DYRK3: variants seen among roughly 807,000 people sequenced by gnomAD.
DYRK3 encodes dual specificity tyrosine-phosphorylation-regulated kinase 3.
A neutral mutation model predicts 40.8 loss-of-function variants in DYRK3; 30 were observed. The observed-to-expected ratio is 0.74, with a 90% CI of 0.55 to 1.00. The LOEUF is 1.00. Ranked by LOEUF, DYRK3 falls within the 50% of genes least tolerant of loss-of-function variation. The pLI, the probability that DYRK3 is intolerant of heterozygous loss-of-function variation, is 0.00. For synonymous variants in DYRK3, 272 were observed against 260.7 expected (o/e 1.04, Z -0.42); for missense variants, 699 against 731.5 (o/e 0.96, Z 0.51).
chr1:206,647,159 A>C (rs1553420221), intron 2 of DYRK3, among the ~76,000 whole-genome samples: 1 of 152,128 alleles, frequency 6.6e-6, no homozygotes, highest in East Asian at 1.9e-4. Context: ...TGTCTTGAAC[A>C]AAGCAAGGCA....
Position 206,635,776 on chromosome 1 carries a change from C to A in DYRK3, c.73C>A (p.Arg25=). The A allele has an allele frequency of 2.4e-6, 3 of 1,243,812 alleles. No homozygotes were observed. Among genetic ancestry groups the A allele is most frequent in the Non-Finnish European group, 3.0e-6 (3 of 989,486 alleles). 77.0% of individuals were successfully genotyped at this position (1,243,812 alleles called of 1,614,324 possible). The stretch of plus-strand genomic sequence containing the variant: ...TGGGGCCGGGCTCCCGCCCCAGCAG[C>A]GGAGGTAACGGCGCCACGGGGTAAC... The part of the protein sequence containing the change: ...PPGAGLPPQQ[R]RLGDGVYDTF... Residue 25 remains arginine (R), a synonymous_variant, in exon 1 of 3, where the codon CGG becomes AGG. Coordinates refer to ENST00000367109, the MANE Select transcript of DYRK3 (RefSeq NM_003582.4).
intron 2 of DYRK3, among the ~76,000 whole-genome samples, chr1:206,639,171 AC>A (rs1671205469): frequency 6.6e-6 from 1 of 151,920 alleles, no homozygotes; most frequent in Non-Finnish European, 1.5e-5. Context: ...GAGCCACCGC[AC>A]CCGGCCCTTT....
At chr1:206,644,815 C>T (rs1671403753) in intron 2 of DYRK3, among the ~76,000 whole-genome samples, 1 of 152,244 alleles carries the variant, frequency 6.6e-6, no homozygotes, top group African/African-American at 2.4e-5. Flanking sequence ...GCTGGGATTA[C>T]AGGTGTGAGC....
chr1:206,649,086 A>C lies in DYRK3; in HGVS notation c.*121A>C. 1 of 1,052,644 alleles carries C rather than the reference A, an allele frequency of 9.5e-7. No homozygotes were observed. Among genetic ancestry groups the C allele is most frequent in the Non-Finnish European group, 1.3e-6 (1 of 747,824 alleles). The allele number at this position is 1,052,644 out of a possible 1,614,324, so 65.2% of individuals were successfully genotyped here. ...TGTTAGAGTAGACTTTTTTTAAACA[A>C]GACAAAACATTTTTATATGATTATA... On this transcript the variant is annotated 3_prime_UTR_variant, in exon 3 of 3. Transcript: ENST00000367109.
chr1:206,650,564 G>A lies in DYRK3; in HGVS notation c.*1599G>A, dbSNP rs994288893. Among the ~76,000 whole-genome samples the A allele has an allele frequency of 3.9e-5, 6 of 152,116 alleles. No homozygotes were observed. Among genetic ancestry groups the A allele is most frequent in the African/African-American group, 1.2e-4 (5 of 41,424 alleles). ...CTAAAAAACAAACCAAAAAAAGTGT[G>A]TTCTTTAAAGTAGAATATTTGCTTT... On this transcript the variant is annotated 3_prime_UTR_variant, in exon 3 of 3. Transcript: ENST00000367109.
Position 206,649,175 on chromosome 1 carries a change from A to T in DYRK3, c.*210A>T. 1 of 523,204 alleles carries T rather than the reference A, an allele frequency of 1.9e-6. No homozygotes were observed. The highest frequency in any genetic ancestry group is 3.3e-6 in the Non-Finnish European group (1 of 298,912). The allele number at this position is 523,204 out of a possible 1,614,324, so 32.4% of individuals were successfully genotyped here. On this transcript the variant is annotated 3_prime_UTR_variant, in exon 3 of 3. Transcript: ENST00000367109. Reference sequence around the variant, plus strand: ...ATTGGCCATCTGGAATATGCATTAAATGACTTTTTATAGGTCAATGCATCT... The same window carrying T: ...ATTGGCCATCTGGAATATGCATTAATTGACTTTTTATAGGTCAATGCATCT...
Position 206,648,138 on chromosome 1 carries a change from A to C in DYRK3, c.940A>C (p.Lys314Gln). ...FQGFSVQLVR[K>Q]FAQSILQSLD... ...GGGTTTTAGCGTCCAGTTGGTACGC[A>C]AGTTTGCCCAGTCCATCTTGCAATC... The change falls in exon 3 of 3, where the codon AAG becomes CAG. Residue 314 changes from lysine (K) to glutamine (Q), a missense_variant. Physicochemically the swap from Lys to Gln is moderately conservative, Grantham distance 53. Transcript: ENST00000367109. 6.2e-7 allele frequency: 1 copy of C among 1,614,172 alleles called. No homozygotes were observed. Among genetic ancestry groups the C allele is most frequent in the Non-Finnish European group, 8.5e-7 (1 of 1,180,032 alleles).
chr1:206,647,403 T>C lies in DYRK3; in HGVS notation c.205T>C (p.Phe69Leu). 1 of 1,611,182 alleles carries C rather than the reference T, an allele frequency of 6.2e-7. No homozygotes were observed. The highest frequency in any genetic ancestry group is 8.5e-7 in the Non-Finnish European group (1 of 1,178,420). Residue 69 changes from phenylalanine to leucine, a missense_variant, in exon 3 of 3, where the codon TTT (phenylalanine) becomes CTT (leucine). Transcript: ENST00000367109. ...PRRLNMTTEQ[F>L]TGDHTQHFLD... is the part of the protein sequence containing the mutation. ...TCTTTCATAGATGACCACTGAGCAG[T>C]TTACAGGAGATCATACTCAGCACTT...
intron 1 of DYRK3, chr1:206,637,047 G>A (rs1328340386): frequency 1.2e-5 from 13 of 1,100,972 alleles, no homozygotes; most frequent in Non-Finnish European, 1.8e-5. Context: ...CTGCAGGTTA[G>A]GTAGATGTAA....
Position 206,644,755 on chromosome 1 carries a change from G to A in DYRK3, c.190-2633G>A, listed in dbSNP as rs188899355. 3.9e-5 allele frequency among the ~76,000 whole-genome samples: 6 copies of A among 152,232 alleles called. No homozygotes were observed. In the East Asian group the frequency reaches 7.7e-4, roughly 20 times the overall value. ...GGGTTTTGCCATGTTGGCCATGCTG[G>A]TCTCGAACTCCTGACCTCAGGTGAT... On this transcript the variant is annotated intron_variant, in intron 2 of 2. Coordinates refer to ENST00000367109, the MANE Select transcript of DYRK3 (RefSeq NM_003582.4).
chr1:206,644,096 G>A, intron 2 of DYRK3, among the ~76,000 whole-genome samples: 1 of 137,554 alleles, frequency 7.3e-6, no homozygotes, highest in South Asian at 2.3e-4. Flanking sequence ...GTGCAGTGAT[G>A]CAATCTTGGC....
rs202021957 is a variant in DYRK3, at chr1:206,648,622, G to A, written c.1424G>A (p.Arg475Gln). ...GGTCGCTCACGTAGGGGTAAAAAGC[G>A]GGGTCCCCCAGGCAGCAAAGACTGG... is the stretch of plus-strand genomic sequence containing the variant. ...VGGRSRRGKKRGPPGSKDWGT... is the reference protein window; with the variant it reads ...VGGRSRRGKKQGPPGSKDWGT... Residue 475 changes from arginine (R) to glutamine (Q), a missense_variant, in exon 3 of 3, where the codon CGG becomes CAG. Transcript: ENST00000367109. The A allele has an allele frequency of 6.8e-6, 11 of 1,613,542 alleles. No individual in the cohort carries two copies. In the East Asian group the frequency reaches 1.1e-4, roughly 16 times the overall value.
In DYRK3 at chr1:206,639,479, T is replaced by TG. The variant is rs542566352; in HGVS notation, c.189+1718_189+1719insG. 1.6e-4 allele frequency among the ~76,000 whole-genome samples: 24 copies of TG among 150,132 alleles called. 2 individuals are homozygous for TG. The East Asian group carries it at 4.7e-3, about 29-fold the overall frequency. Reference sequence around the variant, plus strand: ...CATTTTAACTGATTTTTTTTTTTTTTTTTTTTGAGATGGACTCTCACTCTG... The same window carrying TG: ...CATTTTAACTGATTTTTTTTTTTTTTGTTTTTTGAGATGGACTCTCACTCTG... On this transcript the variant is annotated intron_variant, in intron 2 of 2. Transcript: ENST00000367109.
rs1671702491 is a variant in DYRK3, at chr1:206,654,444, C to A, written c.*5479C>A. 1.3e-5 allele frequency among the ~76,000 whole-genome samples: 2 copies of A among 152,186 alleles called. No homozygotes were observed. The highest frequency in any genetic ancestry group is 2.9e-5 in the Non-Finnish European group (2 of 68,036). On this transcript the variant is annotated 3_prime_UTR_variant, in exon 3 of 3. Coordinates refer to ENST00000367109, the MANE Select transcript of DYRK3 (RefSeq NM_003582.4). The stretch of plus-strand genomic sequence containing the variant: ...GTACAAATAAGGAGTAAGAAAAGGC[C>A]AGGGATTGGCAAATCAAAGAAGAGT...
chr1:206,643,637 T>C (rs527752615), intron 2 of DYRK3, among the ~76,000 whole-genome samples: 5 of 152,116 alleles, frequency 3.3e-5, no homozygotes, highest in Non-Finnish European at 5.9e-5. Context: ...CACAGTACAT[T>C]GTATAGTGAG....
intron 2 of DYRK3, among the ~76,000 whole-genome samples, chr1:206,643,500 G>T (rs1423402864): frequency 1.3e-5 from 2 of 152,144 alleles, no homozygotes; most frequent in African/African-American, 4.8e-5. Flanking sequence ...AATTCCCAGG[G>T]ACAGACGCTG....
intron 1 of DYRK3, among the ~76,000 whole-genome samples, chr1:206,637,375 A>T (rs1040327248): frequency 2.6e-5 from 4 of 152,178 alleles, no homozygotes; most frequent in African/African-American, 9.6e-5. Context: ...TTATTATGAG[A>T]TCCTTCTGAT....
In DYRK3 at chr1:206,647,555, A is replaced by T. The variant is rs1553420328; in HGVS notation, c.357A>T (p.Lys119Asn). 4.3e-6 allele frequency: 7 copies of T among 1,614,176 alleles called. No individual in the cohort carries two copies. The highest frequency in any genetic ancestry group is 5.9e-6 in the Non-Finnish European group (7 of 1,180,036). The part of the protein sequence containing the change: ...EKCSPTVSQG[K>N]SSDCLNTVKS... ...GCTCTCCTACTGTTTCTCAGGGTAA[A>T]AGTTCAGATTGCTTGAATACAGTAA... Residue 119 changes from lysine (K) to asparagine (N), a missense_variant, in exon 3 of 3, where the codon AAA (lysine) becomes AAT (asparagine). Physicochemically the swap from Lys to Asn is moderately conservative, Grantham distance 94. Coordinates refer to ENST00000367109, the MANE Select transcript of DYRK3 (RefSeq NM_003582.4).
Position 206,647,925 on chromosome 1 carries a change from G to A in DYRK3, c.727G>A (p.Glu243Lys). Reference protein sequence around the residue: ...QYVALKMVRNEKRFHRQAAEE... With the variant: ...QYVALKMVRNKKRFHRQAAEE... ...CGTGGCCCTAAAAATGGTGCGCAAT[G>A]AGAAGCGCTTTCATCGTCAAGCAGC... The change falls in exon 3 of 3, where the codon GAG (glutamate) becomes AAG (lysine). Residue 243 changes from glutamate (E) to lysine (K), a missense_variant. Transcript: ENST00000367109. 1 of 1,614,096 alleles carries A rather than the reference G, an allele frequency of 6.2e-7. No homozygotes were observed. Among genetic ancestry groups the A allele is most frequent in the Non-Finnish European group, 8.5e-7 (1 of 1,180,018 alleles).
Sources: allele counts gnomAD v4.1 joint callset (sites outside exome capture counted in the v4.1 genomes callset), GRCh38; gene constraint gnomAD v4.1.1; transcripts MANE v1.5; gene names NCBI Gene and HGNC (gene_info 2026-07-23, HGNC 2026-07-21).